The following TBC1D9 variants were observed in gnomAD, a reference collection of about 807,000 sequenced individuals.
TBC1D9 encodes the protein TBC1 domain family member 9.
Under a neutral mutation model 132.0 loss-of-function variants are expected in TBC1D9, and 63 were observed. That is an observed-to-expected ratio of 0.48 (90% CI 0.39 to 0.59). The LOEUF (loss-of-function observed/expected upper bound fraction) is 0.59, where lower values mean the gene tolerates loss of function less well. TBC1D9 is among the 20% of genes least tolerant of loss of function. The pLI, the probability that TBC1D9 is intolerant of heterozygous loss-of-function variation, is 0.00. For missense variants in TBC1D9, 1,261 were observed against 1,592.7 expected (o/e 0.79, Z 3.54); for synonymous variants, 610 against 609.9 (o/e 1.00, Z 0.00).
At chr4:140,629,528 G>A (rs1276743561) in intron 16 of TBC1D9, among the ~76,000 whole-genome samples, 1 of 152,116 alleles carries the variant, frequency 6.6e-6, no homozygotes, top group Non-Finnish European at 1.5e-5. Context: ...TCTTCCTCAA[G>A]CTTATCTTTT....
chr4:140,621,948 A>C lies in TBC1D9; in HGVS notation c.*247T>G, dbSNP rs1736620482. The C allele has an allele frequency of 7.0e-6, 3 of 427,752 alleles. No homozygotes were observed. The highest frequency in any genetic ancestry group is 4.1e-5 in the Admixed American group (1 of 24,682). 26.5% of individuals were successfully genotyped at this position (427,752 alleles called of 1,614,324 possible). A position where few individuals can be genotyped will look rare whatever the true frequency, so the allele number is the denominator to read the frequency against. The stretch of plus-strand genomic sequence containing the variant: ...TGACAGATTCATCTTTTTGTTTTTT[A>C]GAATTCACGAAATAAACTGTATTCT... On this transcript the variant is annotated 3_prime_UTR_variant, in exon 21 of 21. Transcript: ENST00000442267.
chr4:140,680,705 G>A (rs1737690421), intron 3 of TBC1D9, among the ~76,000 whole-genome samples: 1 of 152,150 alleles, frequency 6.6e-6, no homozygotes, highest in African/African-American at 2.4e-5. Flanking sequence ...CACTGTATCT[G>A]TGTAGCCTTG....
At chr4:140,709,248 T>TCTCTCTCTCACACA (rs1382500714) in intron 1 of TBC1D9, among the ~76,000 whole-genome samples, 25 of 104,192 alleles carry the variant, frequency 2.4e-4, no homozygotes, top group African/African-American at 9.7e-4. Context: ...TCTCTCTCTC[T>TCTCTCTCTCACACA]CACACACACA....
In TBC1D9 at chr4:140,659,576, A is replaced by C; in HGVS notation, c.1921+12T>G. The C allele has an allele frequency of 1.3e-6, 2 of 1,552,322 alleles. No individual in the cohort carries two copies. Among genetic ancestry groups the C allele is most frequent in the Middle Eastern group, 1.7e-4 (1 of 5,968 alleles). On this transcript the variant is annotated intron_variant, in intron 11 of 20. Coordinates refer to ENST00000442267, the MANE Select transcript of TBC1D9 (RefSeq NM_015130.3). The stretch of plus-strand genomic sequence containing the variant: ...AGACATAGGTTGAAATGTTAAATGC[A>C]TCTCCACTTACCCACAACTCTGGTG...
At chr4:140,642,048 G>A in intron 13 of TBC1D9, 2 of 677,004 alleles carry the variant, frequency 3.0e-6, no homozygotes, top group Non-Finnish European at 2.7e-6. Flanking sequence ...TCCTGCTGGT[G>A]GCTGGCTTAG....
intron 2 of TBC1D9, among the ~76,000 whole-genome samples, chr4:140,692,451 T>G (rs771507759): frequency 1.6e-4 from 24 of 152,216 alleles, no homozygotes; most frequent in Non-Finnish European, 3.4e-4. Flanking sequence ...TTACTCCATA[T>G]ACTGGAGCAA....
chr4:140,641,881 C>T (rs1215336477), intron 13 of TBC1D9: 27 of 377,432 alleles, frequency 7.2e-5, no homozygotes, highest in Non-Finnish European at 5.0e-5. Context: ...TGCGCCCACT[C>T]GCTTCCTTCT....
intron 1 of TBC1D9, among the ~76,000 whole-genome samples, chr4:140,723,082 G>T (rs1481699972): frequency 3.3e-5 from 5 of 152,144 alleles, no homozygotes; most frequent in African/African-American, 1.2e-4. Flanking sequence ...AACAAGAAAG[G>T]CCTTACTGTG....
intron 11 of TBC1D9, among the ~76,000 whole-genome samples, chr4:140,658,694 C>T (rs576589819): frequency 6.6e-6 from 1 of 151,958 alleles, no homozygotes; most frequent in African/African-American, 2.4e-5. Context: ...TCTGTATAGT[C>T]CCAGCTACTC....
At chr4:140,708,296 T>C (rs902501992) in intron 1 of TBC1D9, among the ~76,000 whole-genome samples, 1 of 152,200 alleles carries the variant, frequency 6.6e-6, no homozygotes, top group Non-Finnish European at 1.5e-5. Context: ...TTTCAAAGAC[T>C]GTGAGGTAAT....
In TBC1D9 at chr4:140,729,296, G is replaced by C. The variant is rs570692418; in HGVS notation, c.130+26620C>G. On this transcript the variant is annotated intron_variant, in intron 1 of 20. Transcript: ENST00000442267. ...ATAATTTACTTTTCATAAGATATGA[G>C]AGATATGCATAGTTTGAACAAATCC... Among the ~76,000 whole-genome samples, 60 of 152,042 alleles carry C rather than the reference G, an allele frequency of 3.9e-4. 1 individual carries two copies. Among genetic ancestry groups the C allele is most frequent in the Non-Finnish European group, 2.5e-4 (17 of 68,018 alleles).
chr4:140,639,282 G>A, intron 14 of TBC1D9, 48 bp downstream of exon 14: 1 of 1,512,772 alleles, frequency 6.6e-7, no homozygotes, highest in South Asian at 1.2e-5. Flanking sequence ...GCAGGAGTGT[G>A]AAGAAGGAAG....
At chr4:140,694,151 G>A (rs1389651635) in intron 2 of TBC1D9, among the ~76,000 whole-genome samples, 1 of 152,090 alleles carries the variant, frequency 6.6e-6, no homozygotes, top group African/African-American at 2.4e-5. Context: ...AATGTGCAAA[G>A]ATTTTGTTGG....
rs749644943 is a variant in TBC1D9 at position 140,670,742 on chromosome 4, C to T, written c.1244G>A (p.Ser415Asn). 1 of 1,613,886 alleles carries T rather than the reference C, an allele frequency of 6.2e-7. No homozygotes were observed. The highest frequency in any genetic ancestry group is 8.5e-7 in the Non-Finnish European group (1 of 1,179,888). The change falls in exon 7 of 21, where the codon AGT becomes AAT. Residue 415 changes from serine to asparagine, a missense_variant. Coordinates refer to ENST00000442267, the MANE Select transcript of TBC1D9 (RefSeq NM_015130.3). ...KIYSDKEFAGSYNSSDDEVYS... is the reference protein window; with the variant it reads ...KIYSDKEFAGNYNSSDDEVYS... Reference sequence around the variant, plus strand: ...GACCTCATCATCTGAACTGTTGTAACTTCCTGCAAACTCCTTGTCAGAATA... The same window carrying T: ...GACCTCATCATCTGAACTGTTGTAATTTCCTGCAAACTCCTTGTCAGAATA...
At chr4:140,659,009 CATAAACA>C (rs973318627) in intron 11 of TBC1D9, among the ~76,000 whole-genome samples, 9 of 152,204 alleles carry the variant, frequency 5.9e-5, no homozygotes, top group Non-Finnish European at 1.0e-4. Flanking sequence ...AAGTGAGAAG[CATAAACA>C]ATATACTGTA....
chr4:140,669,141 G>C (rs1737495498), intron 8 of TBC1D9, 74 bp from the exon 9 acceptor site: 2 of 1,458,114 alleles, frequency 1.4e-6, no homozygotes, highest in Non-Finnish European at 1.9e-6. Context: ...TGGAAGGTCA[G>C]AACATGTTCC....
chr4:140,753,941 C>T (rs1420421417), intron 1 of TBC1D9, among the ~76,000 whole-genome samples: 1 of 152,194 alleles, frequency 6.6e-6, no homozygotes, highest in Non-Finnish European at 1.5e-5. Context: ...TTTTACCTCT[C>T]TTGCTTGAAA....
At chr4:140,675,349 T>A (rs1737607028) in intron 6 of TBC1D9, among the ~76,000 whole-genome samples, 1 of 152,118 alleles carries the variant, frequency 6.6e-6, no homozygotes. Context: ...ACCCGAATCC[T>A]TTGCTAAAGG....
rs1459951619 is a variant in TBC1D9 at position 140,706,842 on chromosome 4, T to C, written c.131-5228A>G. ...TAAATCTGATTCATTCATTTTAAAA[T>C]ATTGTGCAATATTCCACTATATAAG... On this transcript the variant is annotated intron_variant, in intron 1 of 20. Transcript: ENST00000442267. This position sits in a 1 kb window ranked among gnomAD's most constrained non-coding sequence, Gnocchi z 4.0. Among the ~76,000 whole-genome samples, 3 of 152,238 alleles carry C rather than the reference T, an allele frequency of 2.0e-5. No individual in the cohort carries two copies. The highest frequency in any genetic ancestry group is 7.2e-5 in the African/African-American group (3 of 41,462).
Sources: gnomAD v4.1 joint callset for allele counts (sites outside exome capture counted in the v4.1 genomes callset) on GRCh38, gnomAD v4.1.1 for gene constraint, Gnocchi (gnomAD v3.1) non-coding constraint, MANE v1.5 for transcripts, NCBI Gene and HGNC (gene_info 2026-07-23, HGNC 2026-07-21) for gene names.